TCHP: variants seen among roughly 807,000 people sequenced by gnomAD.
The protein encoded by TCHP is trichoplein keratin filament-binding protein.
Under a neutral mutation model 88.7 loss-of-function variants are expected in TCHP, and 81 were observed. That is an observed-to-expected ratio of 0.91 (90% CI 0.76 to 1.10). The LOEUF (loss-of-function observed/expected upper bound fraction) is 1.10, where lower values mean the gene tolerates loss of function less well. TCHP is among the 50% of genes least tolerant of loss of function. The probability of loss-of-function intolerance (pLI) is 0.00; values close to 1 mark genes in which losing one functional copy is unlikely to be tolerated. For synonymous variants in TCHP, 232 were observed against 232.5 expected (o/e 1.00, Z 0.02); for missense variants, 641 against 632.1 (o/e 1.01, Z -0.15).
At chr12:109,884,293 A>G in the TCHP span, among the ~76,000 whole-genome samples, 589 of 151,780 alleles carry the variant, frequency 3.9e-3, 3 homozygotes, top group African/African-American at 0.014. Context: ...GGTTCACGCC[A>G]TTCTCCTGCC....
At chr12:109,885,793 T>A in the TCHP span, among the ~76,000 whole-genome samples, 4 of 151,794 alleles carry the variant, frequency 2.6e-5, no homozygotes, top group African/African-American at 9.7e-5. Context: ...TTTTTTTTTT[T>A]AAGAGGCACA....
At chr12:109,912,697 A>G (rs958576720) in intron 9 of TCHP, among the ~76,000 whole-genome samples, 4 of 152,154 alleles carry the variant, frequency 2.6e-5, no homozygotes, top group African/African-American at 4.8e-5. Context: ...AGACTGAGGT[A>G]CTAGAATCGA....
chr12:109,905,978 G>T lies in TCHP; in HGVS notation c.457-594G>T, dbSNP rs1464756125. On this transcript the variant is annotated intron_variant, in intron 4 of 12. Transcript: ENST00000405876. This position sits in a 1 kb window ranked among gnomAD's most constrained non-coding sequence, Gnocchi z 4.0. ...AGCCTCCCGAGTAGCTGAGACTACA[G>T]GTGGGCGCCACCATATCCAGCTAAT... Among the ~76,000 whole-genome samples the T allele has an allele frequency of 6.6e-6, 1 of 152,202 alleles. No homozygotes were observed. Among genetic ancestry groups the T allele is most frequent in the East Asian group, 1.9e-4 (1 of 5,202 alleles).
intron 10 of TCHP, among the ~76,000 whole-genome samples, chr12:109,913,796 G>A (rs553085316): frequency 3.9e-5 from 6 of 152,324 alleles, no homozygotes; most frequent in African/African-American, 1.2e-4. Flanking sequence ...AAATTGGGTC[G>A]TGATTGGTGA....
chr12:109,914,336 A>T, intron 10 of TCHP, 106 bp from the exon 11 acceptor site: 1 of 1,052,572 alleles, frequency 9.5e-7, no homozygotes, highest in Non-Finnish European at 1.4e-6. Context: ...CTGAGGCCCA[A>T]GGATGAGGCT....
At chr12:109,885,780 C>CT in the TCHP span, among the ~76,000 whole-genome samples, 578 of 143,628 alleles carry the variant, frequency 4.0e-3, 3 homozygotes, top group African/African-American at 0.012. Flanking sequence ...CGCACCCCGC[C>CT]TTTTTTTTTT....
At position 109,906,594 on chromosome 12, in the gene TCHP, A is replaced by C; in HGVS notation, c.479A>C (p.Lys160Thr). Residue 160 changes from lysine (K) to threonine (T), a missense_variant, in exon 5 of 13, where the codon AAG becomes ACG. Coordinates refer to ENST00000405876, the MANE Select transcript of TCHP (RefSeq NM_001143852.2). ...LREMELDLHQ[K>T]HVVNSWEMQK... The stretch of plus-strand genomic sequence containing the variant: ...CAGATGGAGCTGGACCTTCACCAGA[A>C]GCATGTCGTAAACTCTTGGGAAATG... 6.2e-7 allele frequency: 1 copy of C among 1,612,690 alleles called. No individual in the cohort carries two copies. The highest frequency in any genetic ancestry group is 8.5e-7 in the Non-Finnish European group (1 of 1,179,916).
chr12:109,903,347 C>A lies in TCHP; in HGVS notation c.188+133C>A. 2.5e-6 allele frequency: 2 copies of A among 794,620 alleles called. No homozygotes were observed. The highest frequency in any genetic ancestry group is 3.9e-6 in the Non-Finnish European group (2 of 516,900). The allele number at this position is 794,620 out of a possible 1,614,324, so 49.2% of individuals were successfully genotyped here. A position where few individuals can be genotyped will look rare whatever the true frequency, so the allele number is the denominator to read the frequency against. ...TACCTGCATGGTGATGTTTTTCCAGCTGGAAATGGAAAAAAAGATCATCAG... is the reference window on the plus strand; with the variant it reads ...TACCTGCATGGTGATGTTTTTCCAGATGGAAATGGAAAAAAAGATCATCAG... On this transcript the variant is annotated intron_variant, in intron 2 of 12. Transcript: ENST00000405876. This position sits in a 1 kb window ranked among gnomAD's most constrained non-coding sequence, Gnocchi z 4.6.
At chr12:109,909,056 G>A in intron 8 of TCHP, 119 bp downstream of exon 8, 1 of 950,798 alleles carries the variant, frequency 1.1e-6, no homozygotes, top group Non-Finnish European at 1.6e-6. Context: ...TTGGGGGAAA[G>A]GGGAGATGTT....
chr12:109,907,498 T>A (rs1225473459), intron 5 of TCHP, 28 bp from the exon 6 acceptor site: 2 of 1,597,582 alleles, frequency 1.3e-6, no homozygotes, highest in Non-Finnish European at 1.7e-6. Context: ...GTACAGATAT[T>A]GACCTGTGTT....
In TCHP at chr12:109,904,049, G is replaced by A; in HGVS notation, c.301G>A (p.Glu101Lys). The change falls in exon 3 of 13, where the codon GAA (glutamate) becomes AAA (lysine). Residue 101 changes from glutamate (E) to lysine (K), a missense_variant. By Grantham distance (56) the Glu-to-Lys change is moderately conservative. Transcript: ENST00000405876. ...MQEEQDLLAR[E>K]LEELRLSMNL... is the part of the protein sequence containing the mutation. ...GGAGGAGCAGGACCTGCTGGCCAGAGAACTGGAGGAGCTGAGGCTGAGCAT... is the reference window on the plus strand; with the variant it reads ...GGAGGAGCAGGACCTGCTGGCCAGAAAACTGGAGGAGCTGAGGCTGAGCAT... 2.5e-6 allele frequency: 4 copies of A among 1,606,680 alleles called. No individual in the cohort carries two copies. Among genetic ancestry groups the A allele is most frequent in the Non-Finnish European group, 3.4e-6 (4 of 1,176,512 alleles).
At chr12:109,882,597 G>A in the TCHP span, among the ~76,000 whole-genome samples, 1 of 151,598 alleles carries the variant, frequency 6.6e-6, no homozygotes, top group Non-Finnish European at 1.5e-5. Context: ...CAGGGAGGTG[G>A]GCAGAGGCTG....
intron 1 of TCHP, 100 bp from the exon 2 acceptor site, chr12:109,902,927 C>A: frequency 2.3e-6 from 2 of 861,010 alleles, no homozygotes; most frequent in Non-Finnish European, 3.5e-6. Context: ...TTTCACTGTG[C>A]AGCCAAGGGG....
At position 109,911,086 on chromosome 12, in the gene TCHP, G is replaced by A. The variant is rs1343252033; in HGVS notation, c.903G>A (p.Gln301=). 2 of 1,593,608 alleles carry A rather than the reference G, an allele frequency of 1.3e-6. No homozygotes were observed. The highest frequency in any genetic ancestry group is 4.6e-5 in the East Asian group (2 of 43,950). Residue 301 remains glutamine (Q), a synonymous_variant, in exon 9 of 13, where the codon CAG becomes CAA. Transcript: ENST00000405876. ...AGGAGGCAGACAGGCGGATCCTGCA[G>A]GCCCTCCTCGAGAAGGAGGACGAGA... ...EELEADRRIL[Q]ALLEKEDESQ...
At chr12:109,914,878 G>A (rs563545273) in intron 11 of TCHP, 6 of 464,676 alleles carry the variant, frequency 1.3e-5, no homozygotes, top group African/African-American at 9.9e-5. Context: ...TCTGCAAGCA[G>A]TTGGCTTACC....
At position 109,903,069 on chromosome 12, in the gene TCHP, C is replaced by CG; in HGVS notation, c.44dup (p.Leu16ProfsTer30). 6.2e-7 allele frequency: 1 copy of CG among 1,613,384 alleles called. No individual in the cohort carries two copies. The highest frequency in any genetic ancestry group is 8.5e-7 in the Non-Finnish European group (1 of 1,179,570). ...GCCGTCCTACTGGTGCAGCCAGCAG[C>CG]GCCTGAATCAGCAGCTAGCACGACA... is the stretch of plus-strand genomic sequence containing the variant. On this transcript the variant is annotated frameshift_variant, in exon 2 of 13. Transcript: ENST00000405876. LOFTEE classifies it high-confidence loss of function. The surrounding 1 kb of genome is among the most constrained non-coding windows in gnomAD (Gnocchi z 4.6).
the TCHP span, among the ~76,000 whole-genome samples, chr12:109,894,392 C>T: frequency 2.7e-5 from 4 of 148,414 alleles, no homozygotes; most frequent in South Asian, 2.2e-4. Context: ...CCCGGGAAGC[C>T]GAGCTTGCAG....
chr12:109,915,495 C>T lies in TCHP; in HGVS notation c.1413C>T (p.Ala471=), dbSNP rs1037168810. 2 of 1,614,032 alleles carry T rather than the reference C, an allele frequency of 1.2e-6. No homozygotes were observed. The highest frequency in any genetic ancestry group is 1.1e-5 in the South Asian group (1 of 91,076). ...EARRVEQLSD[A]LLQQEAETMA... is the part of the protein sequence containing the mutation. ...GGCGGGTCGAGCAGCTCTCAGATGC[C>T]CTGCTGCAGCAGGAGGCGGAGACTA... Residue 471 remains alanine, a synonymous_variant, in exon 12 of 13, where the codon GCC becomes GCT. Transcript: ENST00000405876.
chr12:109,911,190 T>C lies in TCHP; in HGVS notation c.1007T>C (p.Leu336Pro), dbSNP rs1311070673. Residue 336 changes from leucine (L) to proline (P), a missense_variant, in exon 9 of 13, where the codon CTG becomes CCG. Transcript: ENST00000405876. ...AWMKQAIEEQ[L>P]QLERAREAEL... ...ATGAAGCAGGCCATTGAGGAGCAGC[T>C]GCAGCTGGAGCGGGCGCGGGAGGCA... The C allele has an allele frequency of 6.3e-7, 1 of 1,590,734 alleles. No individual in the cohort carries two copies. Among genetic ancestry groups the C allele is most frequent in the Non-Finnish European group, 8.5e-7 (1 of 1,171,240 alleles).
Sources: allele counts gnomAD v4.1 joint callset (sites outside exome capture counted in the v4.1 genomes callset), GRCh38; gene constraint gnomAD v4.1.1; non-coding constraint Gnocchi (gnomAD v3.1); transcripts MANE v1.5; gene names NCBI Gene and HGNC (gene_info 2026-07-23, HGNC 2026-07-21).